Variants in PLEKHA7 observed in about 807,000 individuals in gnomAD.
The protein encoded by PLEKHA7 is pleckstrin homology domain-containing family A member 7.
Under a neutral mutation model 170.0 loss-of-function variants are expected in PLEKHA7, and 104 were observed. The observed-to-expected ratio is 0.61, with a 90% CI of 0.52 to 0.72. The LOEUF (loss-of-function observed/expected upper bound fraction) is 0.72. PLEKHA7 is among the 30% of genes least tolerant of loss of function. The probability of loss-of-function intolerance (pLI) is 0.00; values close to 1 mark genes in which losing one functional copy is unlikely to be tolerated. For missense variants in PLEKHA7, 1,615 were observed against 1,671.7 expected (o/e 0.97, Z 0.59); for synonymous variants, 648 against 660.8 (o/e 0.98, Z 0.30).
chr11:16,858,575 C>T (rs990883313), intron 4 of PLEKHA7, among the ~76,000 whole-genome samples: 1 of 151,838 alleles, frequency 6.6e-6, no homozygotes, highest in Non-Finnish European at 1.5e-5. Context: ...TCACTGCAAC[C>T]TCCGCCTCCC....
chr11:16,841,663 G>C lies in PLEKHA7; in HGVS notation c.756C>G (p.Ala252=), dbSNP rs35873274. ...IYNSSTAGSQ[A]EQSGMRTYYF... ...AGTAGGTCCTCATGCCTGACTGCTC[G>C]GCCTGAGAGCCCGCTGTGGAGCTGT... The change falls in exon 9 of 27, where the codon GCC becomes GCG. Residue 252 remains alanine, a synonymous_variant. Coordinates refer to ENST00000531066, the MANE Select transcript of PLEKHA7 (RefSeq NM_001329630.2). 4.8e-3 allele frequency: 7,734 copies of C among 1,614,168 alleles called. 34 individuals carry two copies. The highest frequency in any genetic ancestry group is 5.8e-3 in the Non-Finnish European group (6,835 of 1,180,030).
At chr11:16,991,409 T>C (rs10832710) in intron 3 of PLEKHA7, among the ~76,000 whole-genome samples, 89,238 of 151,714 alleles carry the variant, frequency 0.59, 27,007 homozygotes, top group Non-Finnish European at 0.66. Flanking sequence ...AAATATAACA[T>C]GTCTGAGTCA....
intron 3 of PLEKHA7, among the ~76,000 whole-genome samples, chr11:16,919,899 A>C (rs546084550): frequency 6.6e-6 from 1 of 152,300 alleles, no homozygotes; most frequent in South Asian, 2.1e-4. Context: ...TTCTTCACAA[A>C]GGACTTTGAC....
At chr11:16,980,939 T>C (rs756990209) in intron 3 of PLEKHA7, among the ~76,000 whole-genome samples, 3 of 152,062 alleles carry the variant, frequency 2.0e-5, no homozygotes, top group Non-Finnish European at 2.9e-5. Context: ...GGGTCTCACA[T>C]ATCAGTGTCT....
At chr11:16,866,161 A>G (rs1854376885) in intron 4 of PLEKHA7, among the ~76,000 whole-genome samples, 1 of 152,128 alleles carries the variant, frequency 6.6e-6, no homozygotes, top group African/African-American at 2.4e-5. Flanking sequence ...TCTCAGGAAC[A>G]TAATAAATAT....
intron 20 of PLEKHA7, 37 bp downstream of exon 20, chr11:16,790,974 C>T: frequency 6.2e-7 from 1 of 1,614,008 alleles, no homozygotes; most frequent in Non-Finnish European, 8.5e-7. Context: ...TACCTCTCCC[C>T]ACATGTAGAG....
chr11:16,912,483 G>A (rs1369119859), intron 3 of PLEKHA7, among the ~76,000 whole-genome samples: 1 of 152,216 alleles, frequency 6.6e-6, no homozygotes, highest in African/African-American at 2.4e-5. Context: ...GGGAGCTGAA[G>A]AGCAGAGAAC....
chr11:16,982,613 G>A (rs1466497515), intron 3 of PLEKHA7, among the ~76,000 whole-genome samples: 3 of 152,126 alleles, frequency 2.0e-5, no homozygotes, highest in Non-Finnish European at 2.9e-5. Context: ...TGTGAAACCC[G>A]TGGTACCGGA....
chr11:16,809,950 C>T (rs1262211896), intron 13 of PLEKHA7, among the ~76,000 whole-genome samples: 1 of 136,700 alleles, frequency 7.3e-6, no homozygotes, highest in African/African-American at 2.8e-5. Context: ...TTTCTCCACC[C>T]AGTGTGTCCC....
intron 23 of PLEKHA7, chr11:16,788,842 G>T: frequency 5.3e-6 from 3 of 570,292 alleles, no homozygotes; most frequent in Non-Finnish European, 9.3e-6. Context: ...ATCGCGGCTG[G>T]GAGGACTGAC....
intron 9 of PLEKHA7, among the ~76,000 whole-genome samples, chr11:16,831,341 CCT>C (rs1281963715): frequency 6.6e-6 from 1 of 152,114 alleles, no homozygotes; most frequent in African/African-American, 2.4e-5. Context: ...TAACACATGA[CCT>C]CTCAAATTTG....
At chr11:16,978,877 T>C (rs561680379) in intron 3 of PLEKHA7, among the ~76,000 whole-genome samples, 116 of 152,288 alleles carry the variant, frequency 7.6e-4, no homozygotes, top group African/African-American at 2.7e-3. Context: ...CAAGTACTCA[T>C]ACAAATATGC....
At chr11:16,824,347 C>G (rs1459546468) in intron 10 of PLEKHA7, among the ~76,000 whole-genome samples, 2 of 151,960 alleles carry the variant, frequency 1.3e-5, no homozygotes, top group African/African-American at 2.4e-5. Context: ...GTCAACATAG[C>G]AAGATTACAT....
intron 3 of PLEKHA7, among the ~76,000 whole-genome samples, chr11:16,902,311 AGTTT>A (rs1857393254): frequency 6.6e-6 from 1 of 152,208 alleles, no homozygotes. Flanking sequence ...ATTGCGTACA[AGTTT>A]TTGTGTAGGT....
chr11:16,894,624 C>T (rs1031763041), intron 3 of PLEKHA7, among the ~76,000 whole-genome samples: 1 of 152,146 alleles, frequency 6.6e-6, no homozygotes, highest in Non-Finnish European at 1.5e-5. Context: ...TGTAAAATAT[C>T]TCCTAAATAG....
intron 12 of PLEKHA7, among the ~76,000 whole-genome samples, chr11:16,814,659 T>G (rs894270645): frequency 1.3e-5 from 2 of 152,202 alleles, no homozygotes; most frequent in African/African-American, 4.8e-5. Context: ...AGCAAGTCAC[T>G]TCCCCTTCTG....
rs151145029 is a variant in PLEKHA7 at position 16,979,405 on chromosome 11, C to T, written c.221+34584G>A. ...ACCACCTTCAGAGCAAAGCTCCAGC[C>T]CCACCTTCAGGGTAAGACATTCCCA... On this transcript the variant is annotated intron_variant, in intron 3 of 26. Transcript: ENST00000531066. 1.9e-3 allele frequency among the ~76,000 whole-genome samples: 265 copies of T among 142,430 alleles called. 1 individual carries two copies. The highest frequency in any genetic ancestry group is 2.4e-3 in the Admixed American group (34 of 14,370). The allele number at this position is 142,430 out of a possible 152,430, so 93.4% of individuals were successfully genotyped here.
chr11:16,783,961 A>C lies in PLEKHA7; in HGVS notation c.3517-128T>G, dbSNP rs1343143166. ...GTCCACAGAGACTAAGTAACTTGCT[A>C]AGATCACAAAATTAGTCAGTTGTGG... On this transcript the variant is annotated intron_variant, in intron 24 of 26. Coordinates refer to ENST00000531066, the MANE Select transcript of PLEKHA7 (RefSeq NM_001329630.2). The C allele has an allele frequency of 7.9e-6, 8 of 1,016,198 alleles. No homozygotes were observed. In the African/African-American group the frequency reaches 1.2e-4, roughly 15 times the overall value. 62.9% of individuals were successfully genotyped at this position (1,016,198 alleles called of 1,614,324 possible). A position where few individuals can be genotyped will look rare whatever the true frequency, so the allele number is the denominator to read the frequency against.
rs536345890 is a variant in PLEKHA7, at chr11:16,928,820, G to C, written c.222-57638C>G. Among the ~76,000 whole-genome samples the C allele has an allele frequency of 1.8e-4, 28 of 152,164 alleles. 1 individual carries two copies. The South Asian group carries it at 5.6e-3, about 30-fold the overall frequency. On this transcript the variant is annotated intron_variant, in intron 3 of 26. Transcript: ENST00000531066. ...TGCATAAAAATTACTGTCCATGGTA[G>C]TTTAGGGTACATTTGACTTTATGAG...
Sources: gnomAD v4.1 joint callset for allele counts (sites outside exome capture counted in the v4.1 genomes callset) on GRCh38, gnomAD v4.1.1 for gene constraint, MANE v1.5 for transcripts, NCBI Gene and HGNC (gene_info 2026-07-23, HGNC 2026-07-21) for gene names.